The following POLQ variants were observed in gnomAD, a reference collection of about 807,000 sequenced individuals.
POLQ encodes DNA polymerase theta.
Under a neutral mutation model 259.2 loss-of-function variants are expected in POLQ, and 233 were observed. The ratio of observed to expected loss-of-function variants is 0.90; its 90% CI spans 0.81 to 1.00. POLQ has a LOEUF of 1.00. Ranked by LOEUF, POLQ falls within the 50% of genes least tolerant of loss-of-function variation. The pLI, the probability that POLQ is intolerant of heterozygous loss-of-function variation, is 0.00. For missense variants in POLQ, 2,871 were observed against 3,051.6 expected, an observed-to-expected ratio of 0.94 and a Z score of 1.39; for synonymous variants, 1,025 against 1,048.8, an observed-to-expected ratio of 0.98 and a Z score of 0.44.
rs2048396919 is a variant in POLQ, at chr3:121,529,664, A to G, written c.1089T>C (p.Asn363=). Residue 363 remains asparagine (N), a synonymous_variant, in exon 7 of 30, where the codon AAT becomes AAC. Transcript: ENST00000264233. ...ACTCACCCTCAGCTTGATGATGTAG[A>G]TTATAAAACTCTCGAGCAATGATAT... is the stretch of plus-strand genomic sequence containing the variant. ...LADIIAREFY[N]LHHQAEGLVK... is the part of the protein sequence containing the mutation. The G allele has an allele frequency of 6.2e-7, 1 of 1,613,490 alleles. No homozygotes were observed. The highest frequency in any genetic ancestry group is 8.5e-7 in the Non-Finnish European group (1 of 1,179,806).
At chr3:121,459,563 A>G (rs1172516089) in intron 25 of POLQ, among the ~76,000 whole-genome samples, 4 of 151,972 alleles carry the variant, frequency 2.6e-5, no homozygotes, top group African/African-American at 4.8e-5. Context: ...TTGTATTTTT[A>G]GTAGAGACGG....
chr3:121,446,680 T>C (rs569149807), intron 26 of POLQ, among the ~76,000 whole-genome samples: 19 of 152,326 alleles, frequency 1.2e-4, no homozygotes, highest in Non-Finnish European at 2.5e-4. Context: ...TATTATATAA[T>C]GTAAAAGACA....
chr3:121,453,020 T>C (rs1039193631), intron 25 of POLQ, among the ~76,000 whole-genome samples: 3 of 152,190 alleles, frequency 2.0e-5, no homozygotes, highest in Non-Finnish European at 2.9e-5. Context: ...CTCACACGGC[T>C]GGGTACTCCT....
In POLQ at chr3:121,545,951, C is replaced by T. The variant is rs2048531617; in HGVS notation, c.-74G>A. 6.5e-7 allele frequency: 1 copy of T among 1,533,740 alleles called. No homozygotes were observed. The highest frequency in any genetic ancestry group is 1.4e-5 in the African/African-American group (1 of 73,110). On this transcript the variant is annotated 5_prime_UTR_variant, in exon 1 of 30. Transcript: ENST00000264233. ...CCCTCTCGGGAGAACCCTGGCCTGG[C>T]AACAGCTGCGGACATCTTCCCGCCA... is the stretch of plus-strand genomic sequence containing the variant.
At position 121,489,843 on chromosome 3, in the gene POLQ, A is replaced by C; in HGVS notation, c.3088T>G (p.Phe1030Val). ...SQKTKKAPLNFNSEKMSRSFR... is the reference protein window; with the variant it reads ...SQKTKKAPLNVNSEKMSRSFR... Reference sequence around the variant, plus strand: ...CTTCTGCTCATCTTTTCTGAATTGAAATTCAAAGGTGCCTTTTTTGTTTTC... The same window carrying C: ...CTTCTGCTCATCTTTTCTGAATTGACATTCAAAGGTGCCTTTTTTGTTTTC... The change falls in exon 16 of 30, where the codon TTC becomes GTC. Residue 1030 changes from phenylalanine to valine, a missense_variant. Physicochemically the swap from Phe to Val is conservative, Grantham distance 50. Around this residue, in one of 3 missense-constraint regions of POLQ, gnomAD observed 2,080 missense variants for 2,126.0 expected, o/e 0.98. Coordinates refer to ENST00000264233, the MANE Select transcript of POLQ (RefSeq NM_199420.4). The C allele has an allele frequency of 1.2e-6, 2 of 1,610,468 alleles. No individual in the cohort carries two copies. Among genetic ancestry groups the C allele is most frequent in the Non-Finnish European group, 1.7e-6 (2 of 1,179,268 alleles).
intron 19 of POLQ, among the ~76,000 whole-genome samples, chr3:121,477,356 A>T (rs1253455141): frequency 6.6e-6 from 1 of 152,202 alleles, no homozygotes; most frequent in Non-Finnish European, 1.5e-5. Flanking sequence ...AGTATTAAAT[A>T]ATTGTATAAA....
intron 13 of POLQ, among the ~76,000 whole-genome samples, chr3:121,497,702 G>A (rs538068126): frequency 2.0e-4 from 31 of 152,290 alleles, no homozygotes; most frequent in African/African-American, 7.0e-4. Flanking sequence ...CTCCCAAAGT[G>A]CTGGGATTAC....
intron 3 of POLQ, 69 bp from the exon 4 acceptor site, chr3:121,539,658 TC>T: frequency 8.6e-7 from 1 of 1,160,354 alleles, no homozygotes; most frequent in Non-Finnish European, 1.3e-6. Flanking sequence ...ACTGGTTCTA[TC>T]CCAGAACATA....
intron 26 of POLQ, among the ~76,000 whole-genome samples, chr3:121,447,560 T>C (rs1374832077): frequency 3.3e-5 from 5 of 152,184 alleles, no homozygotes. Flanking sequence ...TTTTTGTCTT[T>C]CTATTTAAGA....
Position 121,436,251 on chromosome 3 carries a change from T to C in POLQ, c.7414A>G (p.Ile2472Val), listed in dbSNP as rs777723774. 10 of 1,613,784 alleles carry C rather than the reference T, an allele frequency of 6.2e-6. No homozygotes were observed. The highest frequency in any genetic ancestry group is 7.6e-6 in the Non-Finnish European group (9 of 1,179,816). The change falls in exon 28 of 30, where the codon ATA (isoleucine) becomes GTA (valine). Residue 2472 changes from isoleucine (I) to valine (V), a missense_variant. Physicochemically the swap from Ile to Val is conservative, Grantham distance 29. Coordinates refer to ENST00000264233, the MANE Select transcript of POLQ (RefSeq NM_199420.4). ...ATATCAGCTGCTGATCCTTGGACTA[T>C]TGTGTTGATAGCTTGACGCTCAGCC... ...AHAERQAINT[I>V]VQGSAADIVK...
rs764291210 is a variant in POLQ, at chr3:121,488,671, T to C, written c.4260A>G (p.Pro1420=). Residue 1420 remains proline, a synonymous_variant, in exon 16 of 30, where the codon CCA becomes CCG. Coordinates refer to ENST00000264233, the MANE Select transcript of POLQ (RefSeq NM_199420.4). ...LTPESPIFHS[P]ILLEENGLFL... ...AAAGACCATTTTCCTCCAATAGTAT[T>C]GGAGAATGGAAAATCGGGCTTTCTG... 6.2e-7 allele frequency: 1 copy of C among 1,612,240 alleles called. No individual in the cohort carries two copies. The highest frequency in any genetic ancestry group is 8.5e-7 in the Non-Finnish European group (1 of 1,179,554).
intron 12 of POLQ, among the ~76,000 whole-genome samples, chr3:121,501,999 A>T (rs1028888382): frequency 7.9e-5 from 12 of 152,014 alleles, no homozygotes; most frequent in Admixed American, 3.3e-4. Flanking sequence ...CCAAAAAAAA[A>T]AAAAAAAGCA....
intron 12 of POLQ, among the ~76,000 whole-genome samples, chr3:121,503,177 T>C (rs897696568): frequency 2.0e-5 from 3 of 152,238 alleles, no homozygotes; most frequent in Non-Finnish European, 2.9e-5. Flanking sequence ...ATACTTACCA[T>C]TGTATTACAA....
chr3:121,545,047 G>A, intron 1 of POLQ, 141 bp from the exon 2 acceptor site: 1 of 566,460 alleles, frequency 1.8e-6, no homozygotes, highest in Non-Finnish European at 3.1e-6. Context: ...AATCTTATGA[G>A]AAATTGACCA....
intron 5 of POLQ, among the ~76,000 whole-genome samples, chr3:121,536,406 G>T (rs1027637514): frequency 1.3e-5 from 2 of 152,094 alleles, no homozygotes; most frequent in African/African-American, 4.8e-5. Flanking sequence ...AATTAGAGAT[G>T]CTGCTGTAAA....
intron 13 of POLQ, among the ~76,000 whole-genome samples, chr3:121,497,253 T>C (rs1384472982): frequency 6.6e-6 from 1 of 152,212 alleles, no homozygotes; most frequent in Non-Finnish European, 1.5e-5. Context: ...GATAACTTGA[T>C]ATACAGCTAC....
chr3:121,510,966 G>A (rs979404662), intron 10 of POLQ, among the ~76,000 whole-genome samples: 3 of 152,084 alleles, frequency 2.0e-5, no homozygotes, highest in Non-Finnish European at 4.4e-5. Context: ...AGTAGCTCAC[G>A]CCCGTAATCC....
intron 12 of POLQ, among the ~76,000 whole-genome samples, chr3:121,500,604 A>G (rs1009356556): frequency 3.9e-5 from 6 of 152,190 alleles, no homozygotes; most frequent in Admixed American, 6.5e-5. Flanking sequence ...GTGTACCAAC[A>G]TATGCATAAT....
chr3:121,512,201 T>A (rs1440614533), intron 9 of POLQ, among the ~76,000 whole-genome samples, 172 bp from the exon 10 acceptor site: 1 of 152,228 alleles, frequency 6.6e-6, no homozygotes, highest in Non-Finnish European at 1.5e-5. Flanking sequence ...GGGATCAGAA[T>A]ATGCCACTCC....
Sources: allele counts gnomAD v4.1 joint callset (sites outside exome capture counted in the v4.1 genomes callset), GRCh38; gene constraint gnomAD v4.1.1; regional missense constraint gnomAD v4.1.1; transcripts MANE v1.5; gene names NCBI Gene and HGNC (gene_info 2026-07-23, HGNC 2026-07-21).